The following ITGAM variants were observed in gnomAD, a reference collection of about 807,000 sequenced individuals.
ITGAM encodes integrin alpha-M.
In ITGAM, 79 loss-of-function variants were observed where a neutral mutation model predicts 137.5. That is an observed-to-expected ratio of 0.57 (90% CI 0.48 to 0.69). ITGAM has a LOEUF of 0.69. Among genes scored for constraint, ITGAM ranks in the 30% least tolerant of loss-of-function variants. The probability of loss-of-function intolerance (pLI) is 0.00; values close to 1 mark genes in which losing one functional copy is unlikely to be tolerated. For missense variants in ITGAM, 1,343 were observed against 1,483.5 expected (o/e 0.91, Z 1.56); for synonymous variants, 583 against 592.3 (o/e 0.98, Z 0.23).
intron 14 of ITGAM, among the ~76,000 whole-genome samples, chr16:31,299,500 G>A (rs1352408497): frequency 6.6e-6 from 1 of 151,954 alleles, no homozygotes; most frequent in East Asian, 1.9e-4. Flanking sequence ...GTAGAGACTG[G>A]GTTTTGCCAT....
At chr16:31,316,510 A>C (rs2080394209) in intron 14 of ITGAM, among the ~76,000 whole-genome samples, 1 of 151,988 alleles carries the variant, frequency 6.6e-6, no homozygotes, top group African/African-American at 2.4e-5. Context: ...TGTTTTGCTG[A>C]GTATACCTTT....
intron 2 of ITGAM, among the ~76,000 whole-genome samples, chr16:31,264,087 C>A (rs982399723): frequency 1.3e-5 from 2 of 151,946 alleles, no homozygotes; most frequent in Non-Finnish European, 2.9e-5. Context: ...CCACTTGCCT[C>A]GGCCTCCCAA....
intron 28 of ITGAM, 22 bp downstream of exon 28, chr16:31,330,627 G>A: frequency 5.2e-6 from 8 of 1,553,240 alleles, no homozygotes; most frequent in Non-Finnish European, 7.0e-6. Context: ...GGGCGCTGAG[G>A]AACTATTGGA....
intron 13 of ITGAM, 27 bp from the exon 14 acceptor site, chr16:31,297,718 G>C: frequency 3.1e-6 from 5 of 1,593,454 alleles, no homozygotes; most frequent in Non-Finnish European, 4.3e-6. Flanking sequence ...GCCTGGGTTG[G>C]GGCCTGATAC....
At chr16:31,270,924 C>T in intron 5 of ITGAM, 30 bp from the exon 6 acceptor site, 1 of 1,402,234 alleles carries the variant, frequency 7.1e-7, no homozygotes, top group Non-Finnish European at 9.4e-7. Context: ...TGTCAAATTA[C>T]TTGATTCATA....
rs1435418655 is a variant in ITGAM, at chr16:31,330,385, C to T, written c.3138C>T (p.Thr1046=). 1 of 1,613,796 alleles carries T rather than the reference C, an allele frequency of 6.2e-7. No homozygotes were observed. ...FFGIQEEFNA[T]LKGNLSFDWY... is the part of the protein sequence containing the mutation. ...GCATCCAGGAAGAATTCAATGCTAC[C>T]CTCAAAGGCAACCTCTCGTTTGACT... is the stretch of plus-strand genomic sequence containing the variant. The change falls in exon 27 of 30, where the codon ACC becomes ACT. Residue 1046 remains threonine (T), a synonymous_variant. Coordinates refer to ENST00000544665, the MANE Select transcript of ITGAM (RefSeq NM_000632.4).
intron 6 of ITGAM, 34 bp from the exon 7 acceptor site, chr16:31,271,813 T>C (rs1330325244): frequency 2.5e-6 from 4 of 1,612,790 alleles, no homozygotes; most frequent in Non-Finnish European, 3.4e-6. Context: ...TGGGGGCACC[T>C]TCTCCAGCAT....
chr16:31,282,711 C>A (rs1648840031), intron 12 of ITGAM, among the ~76,000 whole-genome samples: 1 of 152,152 alleles, frequency 6.6e-6, no homozygotes, highest in Non-Finnish European at 1.5e-5. Context: ...GCATTGAGCC[C>A]ATTTACATTT....
At chr16:31,265,720 GTCTCC>G in intron 3 of ITGAM, 86 bp from the exon 4 acceptor site, 1 of 1,103,898 alleles carries the variant, frequency 9.1e-7, no homozygotes, top group South Asian at 1.4e-5. Flanking sequence ...AGACCTCCTT[GTCTCC>G]CGCATGGAGG....
chr16:31,330,972 T>C (rs1174071034), intron 28 of ITGAM, among the ~76,000 whole-genome samples, 193 bp from the exon 29 acceptor site: 1 of 140,226 alleles, frequency 7.1e-6, no homozygotes, highest in Admixed American at 7.3e-5. Context: ...CAGAAAGCGA[T>C]AGAGAGAGAT....
chr16:31,263,554 C>A (rs34550882), intron 2 of ITGAM, among the ~76,000 whole-genome samples: 1 of 151,674 alleles, frequency 6.6e-6, no homozygotes, highest in Non-Finnish European at 1.5e-5. Flanking sequence ...CTCTGCAGAT[C>A]GAGTAGGTGA....
At position 31,271,136 on chromosome 16, in the gene ITGAM, C is replaced by T. The variant is rs528299274; in HGVS notation, c.558+52C>T. 9 of 1,401,006 alleles carry T rather than the reference C, an allele frequency of 6.4e-6. No individual in the cohort carries two copies. The East Asian group carries it at 2.4e-4, about 37-fold the overall frequency. The allele number at this position is 1,401,006 out of a possible 1,614,324, so 86.8% of individuals were successfully genotyped here. On this transcript the variant is annotated intron_variant, in intron 6 of 29. Transcript: ENST00000544665. ...AGAGCCCACACGGGGCTGGAAGATA[C>T]ATGGCAACCGGGCCACCATGTTCTC...
At chr16:31,319,250 G>C (rs928084159) in intron 14 of ITGAM, among the ~76,000 whole-genome samples, 1 of 142,352 alleles carries the variant, frequency 7.0e-6, no homozygotes, top group African/African-American at 2.7e-5. Flanking sequence ...TTTTTTTTTT[G>C]TCTAGTTGTT....
intron 29 of ITGAM, 173 bp from the exon 30 acceptor site, chr16:31,331,463 C>T: frequency 3.1e-6 from 2 of 650,802 alleles, no homozygotes; most frequent in Non-Finnish European, 5.3e-6. Flanking sequence ...AACGAGTCGC[C>T]CTCCTTGTAG....
chr16:31,270,699 G>GTGTGTATATA (rs1477833816), intron 5 of ITGAM, among the ~76,000 whole-genome samples: 18 of 25,994 alleles, frequency 6.9e-4, no homozygotes, highest in African/African-American at 1.4e-3. Flanking sequence ...GTGTGTGTGT[G>GTGTGTATATA]TATATATATA....
intron 14 of ITGAM, among the ~76,000 whole-genome samples, chr16:31,299,276 T>C (rs1457149828): frequency 6.6e-6 from 1 of 152,140 alleles, no homozygotes; most frequent in Non-Finnish European, 1.5e-5. Context: ...GCAGCCACCA[T>C]TATATTCTTT....
intron 23 of ITGAM, 35 bp downstream of exon 23, chr16:31,328,265 T>C (rs761962985): frequency 6.6e-7 from 1 of 1,520,432 alleles, no homozygotes; most frequent in Non-Finnish European, 9.1e-7. Flanking sequence ...GAGCCTCCAC[T>C]TCTGGGCTGG....
chr16:31,282,585 A>G (rs1324095473), intron 12 of ITGAM, among the ~76,000 whole-genome samples: 1 of 152,046 alleles, frequency 6.6e-6, no homozygotes, highest in East Asian at 1.9e-4. Flanking sequence ...ATCTTCCTCC[A>G]TCCCTTTATT....
chr16:31,301,576 A>G (rs2080197776), intron 14 of ITGAM, among the ~76,000 whole-genome samples: 2 of 152,340 alleles, frequency 1.3e-5, no homozygotes, highest in South Asian at 4.1e-4. Context: ...AATTTGGCAC[A>G]TACTTATAAA....
Sources: allele counts gnomAD v4.1 joint callset (sites outside exome capture counted in the v4.1 genomes callset), GRCh38; gene constraint gnomAD v4.1.1; transcripts MANE v1.5; gene names NCBI Gene and HGNC (gene_info 2026-07-23, HGNC 2026-07-21).